NRG3: variants seen among roughly 807,000 people sequenced by gnomAD.
The protein encoded by NRG3 is pro-neuregulin-3, membrane-bound isoform.
Under a neutral mutation model 66.9 loss-of-function variants are expected in NRG3, and 31 were observed. The observed-to-expected ratio is 0.46, with a 90% CI of 0.35 to 0.63. The LOEUF is 0.63. NRG3 is among the 20% of genes least tolerant of loss of function. NRG3 has a pLI of 0.00. For missense variants in NRG3, 910 were observed against 878.9 expected (o/e 1.04, Z -0.45); for synonymous variants, 393 against 359.4 (o/e 1.09, Z -1.06).
At chr10:82,521,836 C>A (rs941538594) in intron 2 of NRG3, among the ~76,000 whole-genome samples, 2 of 152,108 alleles carry the variant, frequency 1.3e-5, no homozygotes, top group Non-Finnish European at 2.9e-5. Flanking sequence ...ATCCTAAATT[C>A]TTTGTTGTCA....
At chr10:82,729,783 G>T (rs935879418) in intron 2 of NRG3, among the ~76,000 whole-genome samples, 3 of 152,210 alleles carry the variant, frequency 2.0e-5, no homozygotes, top group Non-Finnish European at 4.4e-5. Context: ...GACCAATGAA[G>T]TGTACGGCTA....
intron 4 of NRG3, among the ~76,000 whole-genome samples, chr10:82,916,362 G>A (rs1845830952): frequency 6.6e-6 from 1 of 152,152 alleles, no homozygotes; most frequent in African/African-American, 2.4e-5. Context: ...TGAGGTGGGA[G>A]TAATGCTTGA....
rs532607003 is a variant in NRG3 at position 82,227,518 on chromosome 10, T to G, written c.824-131221T>G. ...TTATCTTTTGACCTTATATCTAATT[T>G]CATCTCATGACAAAGAAGAGACATG... On this transcript the variant is annotated intron_variant, in intron 1 of 8. Coordinates refer to ENST00000372141, the MANE Select transcript of NRG3 (RefSeq NM_001010848.4). Among the ~76,000 whole-genome samples, 4 of 152,292 alleles carry G rather than the reference T, an allele frequency of 2.6e-5. No homozygotes were observed. The South Asian group carries it at 8.3e-4, about 32-fold the overall frequency.
intron 3 of NRG3, among the ~76,000 whole-genome samples, chr10:82,792,712 C>T (rs2135382516): frequency 6.6e-6 from 1 of 151,810 alleles, no homozygotes; most frequent in South Asian, 2.1e-4. Context: ...CGGAGTTTTG[C>T]TCTTGTAGCC....
rs188443665 is a variant in NRG3, at chr10:81,924,433, T to G, written c.823+48270T>G. 3.2e-3 allele frequency among the ~76,000 whole-genome samples: 488 copies of G among 152,334 alleles called. 3 individuals carry two copies. The highest frequency in any genetic ancestry group is 0.011 in the African/African-American group (451 of 41,570). On this transcript the variant is annotated intron_variant, in intron 1 of 8. Coordinates refer to ENST00000372141, the MANE Select transcript of NRG3 (RefSeq NM_001010848.4). Reference sequence around the variant, plus strand: ...ATAGAGGACATTTGCTAGACTGGGCTTTTCCTCCATGTACCCTTGGGTGAG... The same window carrying G: ...ATAGAGGACATTTGCTAGACTGGGCGTTTCCTCCATGTACCCTTGGGTGAG...
At chr10:82,874,050 A>T (rs1458674940) in intron 4 of NRG3, among the ~76,000 whole-genome samples, 2 of 151,910 alleles carry the variant, frequency 1.3e-5, no homozygotes, top group African/African-American at 4.8e-5. Context: ...AGGCATAGAA[A>T]TGTGTTGTAC....
chr10:82,800,650 T>C (rs1463974584), intron 3 of NRG3, among the ~76,000 whole-genome samples: 2 of 152,216 alleles, frequency 1.3e-5, no homozygotes, highest in South Asian at 2.1e-4. Flanking sequence ...ATAGTATTAA[T>C]GAAGTCTATT....
intron 1 of NRG3, among the ~76,000 whole-genome samples, chr10:82,313,470 T>A (rs1044617349): frequency 9.2e-5 from 14 of 152,208 alleles, no homozygotes; most frequent in Non-Finnish European, 2.1e-4. Flanking sequence ...AATGTATTAG[T>A]CCTATGCTTT....
At chr10:82,931,173 T>C (rs538062336) in intron 4 of NRG3, among the ~76,000 whole-genome samples, 1 of 152,322 alleles carries the variant, frequency 6.6e-6, no homozygotes, top group African/African-American at 2.4e-5. Flanking sequence ...ACTAGAAATT[T>C]GGGAGCCATG....
chr10:82,776,518 G>T (rs887743246), intron 3 of NRG3, among the ~76,000 whole-genome samples: 3 of 152,088 alleles, frequency 2.0e-5, no homozygotes, highest in Non-Finnish European at 4.4e-5. Flanking sequence ...TAAGCTTTAT[G>T]TGCCTTTTTC....
chr10:82,769,010 C>T (rs1457837596), intron 3 of NRG3, among the ~76,000 whole-genome samples: 1 of 152,130 alleles, frequency 6.6e-6, no homozygotes, highest in Admixed American at 6.6e-5. Flanking sequence ...GAGATTCTAA[C>T]AGTCAAAATT....
rs5786555 is a variant in NRG3, at chr10:82,618,930, A to AT, written c.954-119636dup. Reference sequence around the variant, plus strand: ...TTTCTGAATGGAGGTAATAGGAGTGATTTTTTTTTTTATTTAATTTTATTT... The same window carrying AT: ...TTTCTGAATGGAGGTAATAGGAGTGATTTTTTTTTTTTATTTAATTTTATTT... On this transcript the variant is annotated intron_variant, in intron 2 of 8. Coordinates refer to ENST00000372141, the MANE Select transcript of NRG3 (RefSeq NM_001010848.4). 1.7e-3 allele frequency among the ~76,000 whole-genome samples: 250 copies of AT among 148,720 alleles called. 5 individuals are homozygous for AT. In the South Asian group the frequency reaches 0.042, roughly 25 times the overall value.
intron 1 of NRG3, among the ~76,000 whole-genome samples, chr10:82,332,121 A>G (rs1479292959): frequency 6.6e-6 from 1 of 152,236 alleles, no homozygotes; most frequent in East Asian, 1.9e-4. Flanking sequence ...TGAGTACCAG[A>G]GAAGGATCAT....
chr10:82,755,634 A>G (rs150590225), intron 3 of NRG3, among the ~76,000 whole-genome samples: 1 of 152,240 alleles, frequency 6.6e-6, no homozygotes, highest in East Asian at 1.9e-4. Context: ...AATTCTTCCA[A>G]CCAAAGGAAA....
At chr10:82,119,271 A>G (rs1387160242) in intron 1 of NRG3, among the ~76,000 whole-genome samples, 1 of 152,152 alleles carries the variant, frequency 6.6e-6, no homozygotes, top group African/African-American at 2.4e-5. Flanking sequence ...CACTGTAACA[A>G]CGACAACAAT....
intron 1 of NRG3, among the ~76,000 whole-genome samples, chr10:81,953,491 C>T (rs1367180432): frequency 1.3e-5 from 2 of 152,128 alleles, no homozygotes; most frequent in Non-Finnish European, 2.9e-5. Flanking sequence ...CCTTCCAGTC[C>T]ATTCTGATAC....
chr10:81,878,264 A>G (rs1292482315), intron 1 of NRG3, among the ~76,000 whole-genome samples: 1 of 152,150 alleles, frequency 6.6e-6, no homozygotes, highest in East Asian at 1.9e-4. Flanking sequence ...TATTTGTTGT[A>G]TTTGTATCTT....
At chr10:82,319,988 G>T (rs1345213277) in intron 1 of NRG3, among the ~76,000 whole-genome samples, 1 of 152,206 alleles carries the variant, frequency 6.6e-6, no homozygotes, top group Non-Finnish European at 1.5e-5. Flanking sequence ...AAGCCTTTCA[G>T]AGTAAGGATG....
chr10:82,323,096 T>TG (rs1215713608), intron 1 of NRG3, among the ~76,000 whole-genome samples: 4 of 152,338 alleles, frequency 2.6e-5, no homozygotes. Flanking sequence ...AAGTATTTCC[T>TG]GGATGTTCCA....
Sources: gnomAD v4.1 joint callset for allele counts (sites outside exome capture counted in the v4.1 genomes callset) on GRCh38, gnomAD v4.1.1 for gene constraint, MANE v1.5 for transcripts, NCBI Gene and HGNC (gene_info 2026-07-23, HGNC 2026-07-21) for gene names.